The following TBC1D4 variants were observed in gnomAD, a reference collection of about 807,000 sequenced individuals.
TBC1D4 encodes the protein TBC (Tre-2, BUB2, CDC16) domain-containing protein.
In TBC1D4, 121 loss-of-function variants were observed where a neutral mutation model predicts 142.5. That is an observed-to-expected ratio of 0.85 (90% CI 0.73 to 0.99). The LOEUF is 0.99. Ranked by LOEUF, TBC1D4 falls within the 50% of genes least tolerant of loss-of-function variation. The probability of loss-of-function intolerance (pLI) is 0.00; values close to 1 mark genes in which losing one functional copy is unlikely to be tolerated. For synonymous variants in TBC1D4, 630 were observed against 628.2 expected, an observed-to-expected ratio of 1.00 and a Z score of -0.04; for missense variants, 1,475 against 1,606.6, an observed-to-expected ratio of 0.92 and a Z score of 1.40.
intron 15 of TBC1D4, 22 bp downstream of exon 15, chr13:75,306,291 T>C (rs758964780): frequency 8.2e-6 from 13 of 1,584,130 alleles, no homozygotes; most frequent in Non-Finnish European, 1.1e-5. Context: ...AAAACAAAAA[T>C]TACTGAGATT....
At chr13:75,327,053 C>T (rs183149003) in intron 9 of TBC1D4, among the ~76,000 whole-genome samples, 4 of 151,964 alleles carry the variant, frequency 2.6e-5, no homozygotes, top group Non-Finnish European at 4.4e-5. Context: ...GAATGAAAAC[C>T]GAGCTATGCT....
chr13:75,357,790 C>A (rs1882166627), intron 3 of TBC1D4, among the ~76,000 whole-genome samples: 1 of 152,152 alleles, frequency 6.6e-6, no homozygotes, highest in South Asian at 2.1e-4. Context: ...AAGAGCAGAG[C>A]CAGCCACTCA....
chr13:75,312,454 G>A (rs1035296242), intron 13 of TBC1D4, among the ~76,000 whole-genome samples: 3 of 110,686 alleles, frequency 2.7e-5, no homozygotes, highest in Non-Finnish European at 4.3e-5. Context: ...GAAAGAAAAA[G>A]GACATACAGC....
intron 1 of TBC1D4, among the ~76,000 whole-genome samples, chr13:75,463,579 T>A (rs746019263): frequency 6.6e-6 from 1 of 152,214 alleles, no homozygotes; most frequent in Non-Finnish European, 1.5e-5. Flanking sequence ...AAAACACTGA[T>A]ATATCACCCT....
intron 1 of TBC1D4, among the ~76,000 whole-genome samples, chr13:75,418,502 G>A (rs7328500): frequency 0.032 from 4,842 of 152,056 alleles, 268 homozygotes; most frequent in African/African-American, 0.11. Flanking sequence ...AACAATGAAG[G>A]GCATACATTT....
intron 1 of TBC1D4, among the ~76,000 whole-genome samples, chr13:75,435,602 A>C (rs1886767680): frequency 6.6e-6 from 1 of 152,210 alleles, no homozygotes; most frequent in African/African-American, 2.4e-5. Context: ...TATATTTCAT[A>C]TATCTGTCCA....
At chr13:75,457,607 A>G (rs914159545) in intron 1 of TBC1D4, among the ~76,000 whole-genome samples, 1 of 152,246 alleles carries the variant, frequency 6.6e-6, no homozygotes, top group African/African-American at 2.4e-5. Context: ...TTAGAAATTA[A>G]GCACTATAAT....
At chr13:75,309,188 T>A (rs572661814) in intron 14 of TBC1D4, among the ~76,000 whole-genome samples, 2 of 152,248 alleles carry the variant, frequency 1.3e-5, no homozygotes, top group East Asian at 3.9e-4. Flanking sequence ...AATTTATACA[T>A]TTTTTTGGAT....
intron 20 of TBC1D4, among the ~76,000 whole-genome samples, chr13:75,287,508 A>G (rs1214949500): frequency 6.6e-6 from 1 of 152,244 alleles, no homozygotes; most frequent in Non-Finnish European, 1.5e-5. Context: ...AAAGTCTACA[A>G]CAGTTCAGAC....
chr13:75,337,191 C>T, intron 7 of TBC1D4, 151 bp from the exon 8 acceptor site: 1 of 685,960 alleles, frequency 1.5e-6, no homozygotes, highest in South Asian at 1.9e-5. Flanking sequence ...ACACTGTGAA[C>T]ATAATGCTTA....
chr13:75,350,990 T>TA (rs1242388243), intron 4 of TBC1D4, among the ~76,000 whole-genome samples: 2 of 152,208 alleles, frequency 1.3e-5, no homozygotes, highest in African/African-American at 4.8e-5. Context: ...GTGAATAACT[T>TA]AATTATTTTA....
chr13:75,425,005 A>G (rs9573541), intron 1 of TBC1D4, among the ~76,000 whole-genome samples: 19,154 of 152,222 alleles, frequency 0.13, 1,456 homozygotes, highest in East Asian at 0.3. Flanking sequence ...ATGGGATGTA[A>G]TCAAATTAAA....
intron 1 of TBC1D4, among the ~76,000 whole-genome samples, chr13:75,469,733 C>G (rs1888319825): frequency 6.6e-6 from 1 of 152,184 alleles, no homozygotes; most frequent in Admixed American, 6.5e-5. Flanking sequence ...TACGACTGCA[C>G]CACTGTACTC....
intron 3 of TBC1D4, among the ~76,000 whole-genome samples, 157 bp downstream of exon 3, chr13:75,359,612 C>G (rs1882335082): frequency 6.6e-6 from 1 of 152,160 alleles, no homozygotes; most frequent in African/African-American, 2.4e-5. Context: ...TAGACAAAAA[C>G]CCAGGAGCCC....
intron 1 of TBC1D4, among the ~76,000 whole-genome samples, chr13:75,445,185 ACTG>A (rs1222033135): frequency 2.6e-5 from 4 of 152,234 alleles, no homozygotes; most frequent in African/African-American, 9.6e-5. Flanking sequence ...CACACAGGTA[ACTG>A]CTATTTCTTA....
rs1455559175 is a variant in TBC1D4, at chr13:75,299,405, G to T, written c.3081C>A (p.Ala1027=). Residue 1027 remains alanine (A), a synonymous_variant, in exon 17 of 21, where the codon GCC becomes GCA. Coordinates refer to ENST00000377636, the MANE Select transcript of TBC1D4 (RefSeq NM_014832.5). ...VLLLHMSEEQ[A]FEMLKFLMYD... Reference sequence around the variant, plus strand: ...ACATGAGGAATTTCAGCATTTCAAAGGCTTGCTCTTCACTCATGTGCAGAA... The same window carrying T: ...ACATGAGGAATTTCAGCATTTCAAATGCTTGCTCTTCACTCATGTGCAGAA... The T allele has an allele frequency of 6.2e-7, 1 of 1,614,134 alleles. No individual in the cohort carries two copies. The highest frequency in any genetic ancestry group is 1.1e-5 in the South Asian group (1 of 91,084).
At chr13:75,454,724 T>C (rs1429258212) in intron 1 of TBC1D4, among the ~76,000 whole-genome samples, 1 of 152,210 alleles carries the variant, frequency 6.6e-6, no homozygotes. Flanking sequence ...TAGTACAGGA[T>C]GTCTGGAGAT....
At chr13:75,370,537 C>T (rs137997089) in intron 1 of TBC1D4, among the ~76,000 whole-genome samples, 4 of 152,198 alleles carry the variant, frequency 2.6e-5, no homozygotes, top group African/African-American at 9.6e-5. Flanking sequence ...TGTAAAGGTA[C>T]AGACATGATG....
intron 12 of TBC1D4, among the ~76,000 whole-genome samples, chr13:75,319,483 G>A (rs1878576738): frequency 6.6e-6 from 1 of 152,246 alleles, no homozygotes; most frequent in Non-Finnish European, 1.5e-5. Context: ...GGAACTAGGT[G>A]TTTCCTGTGT....
Sources: allele counts gnomAD v4.1 joint callset (sites outside exome capture counted in the v4.1 genomes callset), GRCh38; gene constraint gnomAD v4.1.1; transcripts MANE v1.5; gene names NCBI Gene and HGNC (gene_info 2026-07-23, HGNC 2026-07-21).